The following KIAA1328 variants were observed in gnomAD, a reference collection of about 807,000 sequenced individuals.
KIAA1328 encodes KIAA1328, also known as protein hinderin.
Under a neutral mutation model 68.1 loss-of-function variants are expected in KIAA1328, and 52 were observed. The observed-to-expected ratio is 0.76, with a 90% CI of 0.61 to 0.96. KIAA1328 has a LOEUF of 0.96. Ranked by LOEUF, KIAA1328 falls within the 40% of genes least tolerant of loss-of-function variation. The pLI is 0.00. For missense variants in KIAA1328, 641 were observed against 677.6 expected (o/e 0.95, Z 0.60); for synonymous variants, 232 against 239.4 (o/e 0.97, Z 0.28).
chr18:37,213,105 A>C (rs2060349633), intron 9 of KIAA1328, among the ~76,000 whole-genome samples: 1 of 152,214 alleles, frequency 6.6e-6, no homozygotes, highest in Admixed American at 6.5e-5. Flanking sequence ...AATTAAAAGC[A>C]ACATCAGTCA....
downstream of KIAA1328, among the ~76,000 whole-genome samples, chr18:37,228,157 TGAG>T (rs1432843804): frequency 7.9e-5 from 12 of 152,182 alleles, no homozygotes; most frequent in African/African-American, 2.7e-4. Context: ...CTTGAACAGA[TGAG>T]GAGCTGGTTC....
chr18:36,947,308 GT>G (rs1169205213), intron 5 of KIAA1328, among the ~76,000 whole-genome samples: 1 of 152,214 alleles, frequency 6.6e-6, no homozygotes, highest in Admixed American at 6.5e-5. Context: ...ACCAAGGCCT[GT>G]GACACAGCCC....
rs997150588 is a variant in KIAA1328 at position 37,102,864 on chromosome 18, TAAAC to T, written c.1232+35323_1232+35326del. ...CCACCAAAATAACTCTTAGAACTGATAAACAAATACTGTACTGTACACTTATAAT... is the reference window on the plus strand; with the variant it reads ...CCACCAAAATAACTCTTAGAACTGATAAATACTGTACTGTACACTTATAAT... On this transcript the variant is annotated intron_variant, in intron 7 of 9. Coordinates refer to ENST00000280020, the MANE Select transcript of KIAA1328 (RefSeq NM_020776.3). Among the ~76,000 whole-genome samples the T allele has an allele frequency of 3.2e-4, 48 of 152,250 alleles. 1 individual carries two copies. The highest frequency in any genetic ancestry group is 1.1e-3 in the African/African-American group (44 of 41,538).
downstream of KIAA1328, among the ~76,000 whole-genome samples, chr18:37,227,043 G>A (rs542102834): frequency 2.0e-5 from 3 of 152,056 alleles, no homozygotes; most frequent in East Asian, 1.9e-4. Flanking sequence ...CTGGGATTAC[G>A]GGTGTGAGCC....
At chr18:37,070,180 A>G (rs915066033) in intron 7 of KIAA1328, among the ~76,000 whole-genome samples, 4 of 152,164 alleles carry the variant, frequency 2.6e-5, no homozygotes, top group Admixed American at 2.6e-4. Context: ...TGCACACATA[A>G]CACACTGTAT....
intron 9 of KIAA1328, among the ~76,000 whole-genome samples, chr18:37,218,548 G>A (rs561430858): frequency 3.9e-5 from 6 of 152,140 alleles, no homozygotes; most frequent in Admixed American, 6.5e-5. Context: ...AAGGTTAGGC[G>A]TTACACATTC....
intron 6 of KIAA1328, among the ~76,000 whole-genome samples, chr18:36,973,126 A>G (rs1025974229): frequency 2.6e-5 from 4 of 152,196 alleles, no homozygotes; most frequent in Non-Finnish European, 5.9e-5. Flanking sequence ...CATATACACC[A>G]TGGAATACTA....
chr18:36,876,402 G>A (rs904272676), intron 4 of KIAA1328, among the ~76,000 whole-genome samples: 2 of 152,046 alleles, frequency 1.3e-5, no homozygotes, highest in African/African-American at 4.8e-5. Context: ...TTTAGTCTTG[G>A]GAAGGTGTAT....
intron 5 of KIAA1328, among the ~76,000 whole-genome samples, chr18:36,915,344 A>G (rs1358783074): frequency 6.6e-6 from 1 of 151,694 alleles, no homozygotes; most frequent in East Asian, 2.0e-4. Context: ...GATTAATTGG[A>G]TTTTAGTTTT....
chr18:37,106,001 T>A (rs2057766440), intron 7 of KIAA1328, among the ~76,000 whole-genome samples: 1 of 143,326 alleles, frequency 7.0e-6, no homozygotes, highest in Non-Finnish European at 1.5e-5. Flanking sequence ...CCCTTAAACA[T>A]GGAATTACCA....
chr18:37,195,773 T>A (rs1340114428), intron 9 of KIAA1328, among the ~76,000 whole-genome samples: 9 of 152,198 alleles, frequency 5.9e-5, no homozygotes, highest in African/African-American at 2.2e-4. Flanking sequence ...CAGGCTTTCT[T>A]TAGCTATTTG....
At chr18:37,005,431 T>G (rs113380150) in intron 6 of KIAA1328, among the ~76,000 whole-genome samples, 4 of 61,726 alleles carry the variant, frequency 6.5e-5, no homozygotes, top group African/African-American at 1.2e-4. Flanking sequence ...TAGCTATTAT[T>G]TAAAAAAAAA....
chr18:37,020,559 T>G (rs1028789940), intron 6 of KIAA1328, among the ~76,000 whole-genome samples: 1 of 152,260 alleles, frequency 6.6e-6, no homozygotes, highest in Non-Finnish European at 1.5e-5. Context: ...TTTTTCAGAA[T>G]GGTAAACAGT....
chr18:37,071,057 C>CTTTCTTTTTTTTT (rs2056510043), intron 7 of KIAA1328, among the ~76,000 whole-genome samples: 2 of 86,846 alleles, frequency 2.3e-5, no homozygotes, highest in Admixed American at 1.3e-4. Context: ...TTTTTTCTTC[C>CTTTCTTTTTTTTT]TTTTTTTTTT....
chr18:37,088,626 TCTTA>T (rs1406897006), intron 7 of KIAA1328, among the ~76,000 whole-genome samples: 12 of 152,046 alleles, frequency 7.9e-5, no homozygotes, highest in Admixed American at 3.9e-4. Context: ...TGATTCACTT[TCTTA>T]CTTGCTTATG....
chr18:37,077,342 A>T (rs1358478573), intron 7 of KIAA1328, among the ~76,000 whole-genome samples: 4 of 142,872 alleles, frequency 2.8e-5, no homozygotes, highest in Non-Finnish European at 4.5e-5. Context: ...TCAAAATAAT[A>T]AGAGCTATCT....
intron 4 of KIAA1328, among the ~76,000 whole-genome samples, chr18:36,884,295 T>G (rs918792432): frequency 1.3e-5 from 2 of 151,986 alleles, no homozygotes; most frequent in Non-Finnish European, 2.9e-5. Context: ...TCTTTGAGAT[T>G]ACCCTCTTTG....
At chr18:37,151,385 A>G (rs1487473281) in intron 7 of KIAA1328, among the ~76,000 whole-genome samples, 1 of 152,202 alleles carries the variant, frequency 6.6e-6, no homozygotes, top group Non-Finnish European at 1.5e-5. Context: ...ATTTCAGTCA[A>G]AATACCAACA....
At chr18:36,850,414 A>G (rs2047173792) in intron 4 of KIAA1328, among the ~76,000 whole-genome samples, 1 of 151,974 alleles carries the variant, frequency 6.6e-6, no homozygotes, top group East Asian at 1.9e-4. Flanking sequence ...AGGCTTTTCT[A>G]TATACAGTAG....
Sources: gnomAD v4.1 joint callset for allele counts (sites outside exome capture counted in the v4.1 genomes callset) on GRCh38, gnomAD v4.1.1 for gene constraint, MANE v1.5 for transcripts, NCBI Gene and HGNC (gene_info 2026-07-23, HGNC 2026-07-21) for gene names.